The following WDR47 variants were observed in gnomAD, a reference collection of about 807,000 sequenced individuals.
WDR47 encodes the protein WD repeat domain 47, also known as WD repeat-containing protein 47.
A neutral mutation model predicts 97.2 loss-of-function variants in WDR47; 32 were observed. That is an observed-to-expected ratio of 0.33 (90% CI 0.25 to 0.44). The LOEUF is 0.44. Ranked by LOEUF, WDR47 falls within the 20% of genes least tolerant of loss-of-function variation. The pLI is 1.00. For synonymous variants in WDR47, 375 were observed against 373.5 expected (o/e 1.00, Z -0.05); for missense variants, 782 against 1,102.3 (o/e 0.71, Z 4.11).
chr1:108,974,989 A>T (rs1657772956), intron 13 of WDR47, among the ~76,000 whole-genome samples: 1 of 152,224 alleles, frequency 6.6e-6, no homozygotes, highest in Non-Finnish European at 1.5e-5. Flanking sequence ...GTCATTTGAG[A>T]GAACTGTGTG....
intron 2 of WDR47, among the ~76,000 whole-genome samples, chr1:109,021,886 C>T (rs1571236870): frequency 6.6e-6 from 1 of 151,888 alleles, no homozygotes; most frequent in African/African-American, 2.4e-5. Context: ...CTTGCTCTGT[C>T]GCCCAGGCTG....
At chr1:109,005,511 T>C (rs1183712996) in intron 5 of WDR47, among the ~76,000 whole-genome samples, 2 of 152,162 alleles carry the variant, frequency 1.3e-5, no homozygotes, top group African/African-American at 4.8e-5. Context: ...TTTTAAAAAA[T>C]AGGAAGGTCT....
At chr1:108,978,404 G>A (rs575047333) in intron 13 of WDR47, among the ~76,000 whole-genome samples, 53 of 152,068 alleles carry the variant, frequency 3.5e-4, no homozygotes, top group African/African-American at 1.0e-3. Context: ...GCGTGAACCC[G>A]GGAGGCGGAG....
chr1:108,984,872 G>A (rs1037575636), intron 10 of WDR47, among the ~76,000 whole-genome samples: 1 of 152,014 alleles, frequency 6.6e-6, no homozygotes, highest in African/African-American at 2.4e-5. Flanking sequence ...GTGAGACTCT[G>A]TCTCAAAACA....
At chr1:109,002,186 A>G (rs766301771) in intron 7 of WDR47, 38 bp downstream of exon 7, 1 of 1,504,006 alleles carries the variant, frequency 6.6e-7, no homozygotes, top group Non-Finnish European at 8.8e-7. Flanking sequence ...ATAGCTTTCA[A>G]ATAACTCCAT....
Position 109,011,256 on chromosome 1 carries a change from T to C in WDR47, c.790A>G (p.Met264Val). ...SVFSCAFEQK[M>V]LNIHVDKLLK... ...AGTTTGTCAACATGAATATTAAGCA[T>C]TTTCTGTTCAAAAGCACAAGAGAAG... Residue 264 changes from methionine (M) to valine (V), a missense_variant, in exon 5 of 15, where the codon ATG becomes GTG. By Grantham distance (21) the Met-to-Val change is conservative. Coordinates refer to ENST00000369962, the MANE Select transcript of WDR47 (RefSeq NM_001142551.2). The C allele has an allele frequency of 1.2e-6, 2 of 1,614,128 alleles. No individual in the cohort carries two copies. Among genetic ancestry groups the C allele is most frequent in the Non-Finnish European group, 1.7e-6 (2 of 1,180,030 alleles).
At chr1:108,972,218 T>C (rs1037521323) in intron 14 of WDR47, among the ~76,000 whole-genome samples, 1 of 151,932 alleles carries the variant, frequency 6.6e-6, no homozygotes, top group Admixed American at 6.6e-5. Context: ...TTGATTCCTT[T>C]TCCCCTCACT....
At chr1:108,978,427 C>A (rs925446394) in intron 13 of WDR47, among the ~76,000 whole-genome samples, 3 of 150,288 alleles carry the variant, frequency 2.0e-5, no homozygotes, top group Non-Finnish European at 4.4e-5. Context: ...TGCAGTGAGC[C>A]GAGATTGCGC....
intron 5 of WDR47, among the ~76,000 whole-genome samples, chr1:109,008,890 G>A (rs1660830985): frequency 6.6e-6 from 1 of 152,130 alleles, no homozygotes. Context: ...TTACAGGCCT[G>A]AGCCACCGCA....
chr1:109,013,956 C>CCAA, intron 3 of WDR47, 31 bp from the exon 4 acceptor site: 2 of 1,513,238 alleles, frequency 1.3e-6, no homozygotes, highest in Non-Finnish European at 1.8e-6. Flanking sequence ...ATTAATTTTT[C>CCAA]CAATGTCTGA....
At chr1:109,035,447 T>C (rs1662878629) in intron 1 of WDR47, among the ~76,000 whole-genome samples, 1 of 152,062 alleles carries the variant, frequency 6.6e-6, no homozygotes, top group African/African-American at 2.4e-5. Flanking sequence ...TATATATTCA[T>C]GCATTACTTG....
At chr1:108,990,989 G>C (rs1659296002) in intron 9 of WDR47, among the ~76,000 whole-genome samples, 1 of 151,706 alleles carries the variant, frequency 6.6e-6, no homozygotes, top group Non-Finnish European at 1.5e-5. Context: ...AAAGTTTGTG[G>C]GGTTTTTTTT....
At chr1:109,022,830 C>T (rs1477312222) in intron 2 of WDR47, among the ~76,000 whole-genome samples, 1 of 151,974 alleles carries the variant, frequency 6.6e-6, no homozygotes, top group African/African-American at 2.4e-5. Flanking sequence ...AAGTGATCCG[C>T]CTGCCTCAGC....
At chr1:108,978,574 T>C (rs184653042) in intron 13 of WDR47, among the ~76,000 whole-genome samples, 9 of 151,960 alleles carry the variant, frequency 5.9e-5, no homozygotes, top group Non-Finnish European at 1.0e-4. Context: ...TCTTTCAGTA[T>C]ATGAGTTACA....
At position 108,983,329 on chromosome 1, in the gene WDR47, T is replaced by C. The variant is rs2101821087; in HGVS notation, c.2048A>G (p.Lys683Arg). ...GQLLATGSND[K>R]YVKVLPFNAE... ...ATTGAAGGGCAGCACTTTGACGTAT[T>C]TGTCATTTGATCCTGTTGCTAATAA... Residue 683 changes from lysine to arginine, a missense_variant, in exon 11 of 15, where the codon AAA becomes AGA. Lys to Arg is a conservative substitution (Grantham distance 26). Transcript: ENST00000369962. 2 of 1,612,738 alleles carry C rather than the reference T, an allele frequency of 1.2e-6. No individual in the cohort carries two copies. The highest frequency in any genetic ancestry group is 1.7e-6 in the Non-Finnish European group (2 of 1,179,356).
intron 2 of WDR47, 66 bp downstream of exon 2, chr1:109,023,289 T>TAG: frequency 4.0e-6 from 6 of 1,488,188 alleles, no homozygotes; most frequent in Non-Finnish European, 5.5e-6. Flanking sequence ...ATTATATATA[T>TAG]TACCTTATTA....
chr1:108,986,160 A>G (rs1658785056), intron 10 of WDR47, among the ~76,000 whole-genome samples: 1 of 152,118 alleles, frequency 6.6e-6, no homozygotes, highest in Non-Finnish European at 1.5e-5. Context: ...AGTACCAGCC[A>G]AGGTTTCAGG....
intron 5 of WDR47, 120 bp from the exon 6 acceptor site, chr1:109,004,835 G>T: frequency 8.1e-7 from 1 of 1,236,846 alleles, no homozygotes; most frequent in Non-Finnish European, 1.1e-6. Flanking sequence ...TCTCTCTGTA[G>T]CCCCGACTGG....
At chr1:108,989,074 T>G (rs1028018563) in intron 9 of WDR47, among the ~76,000 whole-genome samples, 2 of 152,126 alleles carry the variant, frequency 1.3e-5, no homozygotes, top group African/African-American at 4.8e-5. Context: ...TACTTTAAAC[T>G]GTCAACCTGT....
Sources: gnomAD v4.1 joint callset for allele counts (sites outside exome capture counted in the v4.1 genomes callset) on GRCh38, gnomAD v4.1.1 for gene constraint, MANE v1.5 for transcripts, NCBI Gene and HGNC (gene_info 2026-07-23, HGNC 2026-07-21) for gene names.